Variants in MACROD2 observed in about 807,000 individuals in gnomAD.
The protein encoded by MACROD2 is mono-ADP ribosylhydrolase 2.
A neutral mutation model predicts 70.4 loss-of-function variants in MACROD2; 36 were observed. The ratio of observed to expected loss-of-function variants is 0.51; its 90% CI spans 0.39 to 0.68. The LOEUF (loss-of-function observed/expected upper bound fraction) is 0.68, where lower values mean the gene tolerates loss of function less well. Among genes scored for constraint, MACROD2 ranks in the 30% least tolerant of loss-of-function variants. MACROD2 has a pLI of 0.00. For missense variants in MACROD2, 496 were observed against 538.4 expected (o/e 0.92, Z 0.78); for synonymous variants, 172 against 178.8 (o/e 0.96, Z 0.30).
rs184970595 is a variant in MACROD2, at chr20:14,665,180, G to T, written c.302-19663G>T. Among the ~76,000 whole-genome samples, 271 of 152,190 alleles carry T rather than the reference G, an allele frequency of 1.8e-3. 4 individuals are homozygous for T. The highest frequency in any genetic ancestry group is 3.5e-3 in the South Asian group (17 of 4,816). On this transcript the variant is annotated intron_variant, in intron 4 of 17. Transcript: ENST00000684519. ...TCTACAATGCTTAGTGGTACACAAC[G>T]CATGACAGGTGCCTAGGAAGTCTTT...
intron 5 of MACROD2, among the ~76,000 whole-genome samples, chr20:14,937,841 C>T (rs893455483): frequency 2.6e-5 from 4 of 152,040 alleles, no homozygotes; most frequent in African/African-American, 9.7e-5. Context: ...CTCCCACCCC[C>T]TTACCCTTCC....
chr20:15,154,687 C>T (rs918300190), intron 5 of MACROD2, among the ~76,000 whole-genome samples: 3 of 152,182 alleles, frequency 2.0e-5, no homozygotes, highest in African/African-American at 7.2e-5. Flanking sequence ...CTCTAGGGCT[C>T]TCTGTTACTG....
chr20:14,923,600 A>G (rs1429656746), intron 5 of MACROD2, among the ~76,000 whole-genome samples: 1 of 152,012 alleles, frequency 6.6e-6, no homozygotes. Context: ...TCTCTTAGAG[A>G]AAATCTTGTT....
intron 5 of MACROD2, among the ~76,000 whole-genome samples, chr20:14,912,758 A>G (rs1406931246): frequency 1.3e-5 from 2 of 152,170 alleles, no homozygotes; most frequent in Non-Finnish European, 1.5e-5. Context: ...CAATGAGACA[A>G]GGAAAGACTG....
intron 8 of MACROD2, among the ~76,000 whole-genome samples, chr20:15,608,411 C>T (rs2146703120): frequency 6.6e-6 from 1 of 152,240 alleles, no homozygotes; most frequent in South Asian, 2.1e-4. Flanking sequence ...ATGGAAAGAC[C>T]TTTCTCTGCG....
At chr20:14,485,697 G>A (rs1161888348) in intron 3 of MACROD2, among the ~76,000 whole-genome samples, 11 of 53,770 alleles carry the variant, frequency 2.0e-4, no homozygotes, top group African/African-American at 3.8e-4. Flanking sequence ...GCAAGACTCC[G>A]TCTCAAAAAA....
At chr20:14,485,571 G>A (rs1025980421) in intron 3 of MACROD2, among the ~76,000 whole-genome samples, 4 of 151,790 alleles carry the variant, frequency 2.6e-5, no homozygotes, top group Admixed American at 2.6e-4. Flanking sequence ...CGTGGTGGCA[G>A]GCACCTGTAG....
intron 5 of MACROD2, among the ~76,000 whole-genome samples, chr20:14,912,090 G>C (rs2074034549): frequency 6.6e-6 from 1 of 152,060 alleles, no homozygotes; most frequent in African/African-American, 2.4e-5. Flanking sequence ...AAATTAGGGG[G>C]TCACTTGGTC....
At chr20:15,543,577 A>T (rs1048840121) in intron 8 of MACROD2, among the ~76,000 whole-genome samples, 1 of 151,768 alleles carries the variant, frequency 6.6e-6, no homozygotes, top group African/African-American at 2.4e-5. Flanking sequence ...GTTTCCTTCC[A>T]AGCAATGAGG....
At chr20:15,201,388 G>T (rs188294608) in intron 5 of MACROD2, among the ~76,000 whole-genome samples, 1 of 152,234 alleles carries the variant, frequency 6.6e-6, no homozygotes. Context: ...GCAGGACCCA[G>T]GACAAGAGTA....
intron 7 of MACROD2, among the ~76,000 whole-genome samples, chr20:15,453,576 C>A (rs2046673851): frequency 1.3e-5 from 2 of 152,112 alleles, no homozygotes; most frequent in African/African-American, 4.8e-5. Flanking sequence ...ATTTGTAATT[C>A]TCACAACAAT....
At chr20:15,267,594 G>A (rs931971756) in intron 6 of MACROD2, among the ~76,000 whole-genome samples, 1 of 152,158 alleles carries the variant, frequency 6.6e-6, no homozygotes, top group Non-Finnish European at 1.5e-5. Context: ...CCCAGCCTCT[G>A]ACTCAACCCC....
intron 5 of MACROD2, among the ~76,000 whole-genome samples, chr20:14,948,773 G>A (rs1376545548): frequency 6.6e-6 from 1 of 152,156 alleles, no homozygotes; most frequent in South Asian, 2.1e-4. Flanking sequence ...AGGAGACAAA[G>A]GCTATGTCAA....
chr20:14,643,086 CAA>C (rs1395093017), intron 4 of MACROD2, among the ~76,000 whole-genome samples: 1 of 151,990 alleles, frequency 6.6e-6, no homozygotes, highest in Non-Finnish European at 1.5e-5. Context: ...TGTTGCATAA[CAA>C]AATATCCAAA....
chr20:15,340,436 G>A (rs1041065433), intron 6 of MACROD2, among the ~76,000 whole-genome samples: 1 of 151,918 alleles, frequency 6.6e-6, no homozygotes, highest in Non-Finnish European at 1.5e-5. Context: ...GCGCCCAGCT[G>A]TCAACTTTTC....
intron 3 of MACROD2, among the ~76,000 whole-genome samples, chr20:14,228,554 G>T (rs547343347): frequency 2.6e-5 from 4 of 151,964 alleles, no homozygotes; most frequent in African/African-American, 7.3e-5. Flanking sequence ...GGTTAGAAAA[G>T]ACCTAAATGG....
intron 8 of MACROD2, among the ~76,000 whole-genome samples, chr20:15,760,348 G>A (rs927108913): frequency 1.3e-5 from 2 of 152,144 alleles, no homozygotes; most frequent in African/African-American, 4.8e-5. Flanking sequence ...TACCAGATGG[G>A]GCTGAAATTA....
intron 8 of MACROD2, among the ~76,000 whole-genome samples, chr20:15,612,660 C>T (rs1326728778): frequency 3.3e-5 from 5 of 152,206 alleles, no homozygotes; most frequent in East Asian, 1.9e-4. Flanking sequence ...GAGTCACAGA[C>T]GTTCCAATAT....
chr20:15,551,437 T>C (rs2048095418), intron 8 of MACROD2, among the ~76,000 whole-genome samples: 1 of 152,070 alleles, frequency 6.6e-6, no homozygotes, highest in Non-Finnish European at 1.5e-5. Context: ...TATTTTACCA[T>C]AACTTTAGTG....
Sources: allele counts gnomAD v4.1 joint callset (sites outside exome capture counted in the v4.1 genomes callset), GRCh38; gene constraint gnomAD v4.1.1; transcripts MANE v1.5; gene names NCBI Gene and HGNC (gene_info 2026-07-23, HGNC 2026-07-21).